Variants in CNTNAP5 observed in about 807,000 individuals in gnomAD.
The protein encoded by CNTNAP5 is contactin associated protein family member 5.
Under a neutral mutation model 150.2 loss-of-function variants are expected in CNTNAP5, and 72 were observed. That is an observed-to-expected ratio of 0.48 (90% CI 0.40 to 0.58). The LOEUF (loss-of-function observed/expected upper bound fraction) is 0.58, where lower values mean the gene tolerates loss of function less well. CNTNAP5 is among the 20% of genes least tolerant of loss of function. The pLI is 0.00. For missense variants in CNTNAP5, 1,636 were observed against 1,626.2 expected, an observed-to-expected ratio of 1.01 and a Z score of -0.10; for synonymous variants, 672 against 619.8, an observed-to-expected ratio of 1.08 and a Z score of -1.25.
chr2:124,896,855 T>C (rs1678317271), intron 21 of CNTNAP5, among the ~76,000 whole-genome samples: 1 of 151,598 alleles, frequency 6.6e-6, no homozygotes, highest in Non-Finnish European at 1.5e-5. Flanking sequence ...ATGGAAGTTC[T>C]TAACTTGCTT....
Position 124,535,627 on chromosome 2 carries a change from A to T in CNTNAP5, c.1649+8171A>T, listed in dbSNP as rs1226172128. 2.7e-5 allele frequency among the ~76,000 whole-genome samples: 4 copies of T among 150,382 alleles called. No individual in the cohort carries two copies. In the East Asian group the frequency reaches 7.8e-4, roughly 29 times the overall value. On this transcript the variant is annotated intron_variant, in intron 10 of 23. Transcript: ENST00000682447. ...AATACAAAAAAAAAAAAAAAAAAAA[A>T]TTAGCTGGGTGTGGTTCTGCAGGCC...
chr2:124,262,955 C>G (rs1261108371), intron 3 of CNTNAP5, among the ~76,000 whole-genome samples: 1 of 151,994 alleles, frequency 6.6e-6, no homozygotes, highest in Non-Finnish European at 1.5e-5. Context: ...CAGCTTCATC[C>G]ATGTCCCTAC....
intron 21 of CNTNAP5, among the ~76,000 whole-genome samples, chr2:124,894,778 C>T (rs1678269095): frequency 6.6e-6 from 1 of 151,188 alleles, no homozygotes; most frequent in Non-Finnish European, 1.5e-5. Context: ...GTTTTGAACT[C>T]CTGGGATCAA....
At chr2:124,084,092 G>C (rs189078650) in intron 1 of CNTNAP5, among the ~76,000 whole-genome samples, 14 of 151,852 alleles carry the variant, frequency 9.2e-5, no homozygotes. Flanking sequence ...TAAAAGCCCT[G>C]GTCATGTTTT....
chr2:124,615,580 G>A (rs563086024), intron 12 of CNTNAP5, among the ~76,000 whole-genome samples: 19 of 152,128 alleles, frequency 1.2e-4, no homozygotes, highest in Non-Finnish European at 2.1e-4. Flanking sequence ...CTGAAGTAAT[G>A]AACTTCTCAA....
Position 124,253,778 on chromosome 2 carries a change from G to A in CNTNAP5, c.381+11385G>A, listed in dbSNP as rs147647202. On this transcript the variant is annotated intron_variant, in intron 3 of 23. Transcript: ENST00000682447. Reference sequence around the variant, plus strand: ...CAAATTATTTTTTTTCCAGTTACAAGTACCTTTGTTTATTCAACAGTAGAC... The same window carrying A: ...CAAATTATTTTTTTTCCAGTTACAAATACCTTTGTTTATTCAACAGTAGAC... Among the ~76,000 whole-genome samples the A allele has an allele frequency of 3.2e-3, 488 of 152,020 alleles. 5 individuals carry two copies. Among genetic ancestry groups the A allele is most frequent in the African/African-American group, 0.012 (477 of 41,470 alleles).
At chr2:124,544,478 T>C (rs1165925147) in intron 10 of CNTNAP5, among the ~76,000 whole-genome samples, 3 of 152,086 alleles carry the variant, frequency 2.0e-5, no homozygotes, top group Non-Finnish European at 2.9e-5. Context: ...AGTTGGAATA[T>C]CCCCCCTTAT....
intron 3 of CNTNAP5, among the ~76,000 whole-genome samples, chr2:124,244,435 T>G (rs941839082): frequency 2.6e-5 from 4 of 152,080 alleles, no homozygotes; most frequent in African/African-American, 9.7e-5. Context: ...TTCCCTACCT[T>G]GCATCCCAAA....
chr2:124,903,065 A>G lies in CNTNAP5; in HGVS notation c.3620A>G (p.Asp1207Gly), dbSNP rs1229846976. 6.3e-7 allele frequency: 1 copy of G among 1,597,726 alleles called. No homozygotes were observed. ...ESSCGFMVDSDVNAVTTVHSS... is the reference protein window; with the variant it reads ...ESSCGFMVDSGVNAVTTVHSS... Reference sequence around the variant, plus strand: ...AGCTGTGGCTTCATGGTGGACTCAGATGTGAATGCAGTGACCACGGTGCAT... The same window carrying G: ...AGCTGTGGCTTCATGGTGGACTCAGGTGTGAATGCAGTGACCACGGTGCAT... Residue 1207 changes from aspartate (D) to glycine (G), a missense_variant, in exon 22 of 24, where the codon GAT becomes GGT. Asp to Gly is a moderately conservative substitution (Grantham distance 94, BLOSUM62 -1). Coordinates refer to ENST00000682447, the MANE Select transcript of CNTNAP5 (RefSeq NM_001367498.1).
chr2:124,274,456 A>C lies in CNTNAP5; in HGVS notation c.381+32063A>C, dbSNP rs1687836537. On this transcript the variant is annotated intron_variant, in intron 3 of 23. Transcript: ENST00000682447. ...TGAGATCTTTTCCCATTTTGTGTGG[A>C]TTGCACAGAAGAACCTCCAGCTGGA... Among the ~76,000 whole-genome samples the C allele has an allele frequency of 3.3e-5, 5 of 152,136 alleles. No individual in the cohort carries two copies. In the South Asian group the frequency reaches 1.0e-3, roughly 32 times the overall value.
chr2:124,304,192 A>G (rs1001472461), intron 3 of CNTNAP5, among the ~76,000 whole-genome samples: 1 of 152,234 alleles, frequency 6.6e-6, no homozygotes, highest in African/African-American at 2.4e-5. Context: ...AGGATAATTG[A>G]ATAAATAACT....
At chr2:124,796,331 C>T (rs947814009) in intron 18 of CNTNAP5, among the ~76,000 whole-genome samples, 1 of 152,102 alleles carries the variant, frequency 6.6e-6, no homozygotes, top group Non-Finnish European at 1.5e-5. Context: ...AGCACACACA[C>T]AAATATCAAA....
intron 12 of CNTNAP5, among the ~76,000 whole-genome samples, chr2:124,611,882 T>C (rs575667255): frequency 6.6e-6 from 1 of 152,184 alleles, no homozygotes; most frequent in Non-Finnish European, 1.5e-5. Flanking sequence ...ACAAATACCA[T>C]CTCTTTTCAT....
chr2:124,881,675 T>G (rs1677967620), intron 21 of CNTNAP5, among the ~76,000 whole-genome samples: 1 of 152,102 alleles, frequency 6.6e-6, no homozygotes, highest in African/African-American at 2.4e-5. Flanking sequence ...TCCACAGTAG[T>G]CCACAGCTGC....
chr2:124,741,950 A>T (rs895704531), intron 13 of CNTNAP5, among the ~76,000 whole-genome samples: 1 of 152,130 alleles, frequency 6.6e-6, no homozygotes, highest in Non-Finnish European at 1.5e-5. Flanking sequence ...CAATTGAGAT[A>T]ATTCTTTTCC....
intron 13 of CNTNAP5, among the ~76,000 whole-genome samples, chr2:124,714,742 T>C: frequency 6.6e-6 from 1 of 151,768 alleles, no homozygotes; most frequent in Middle Eastern, 3.5e-3. Context: ...GATATATTTA[T>C]ATGGAGCTAC....
chr2:124,434,824 T>C, intron 5 of CNTNAP5, 137 bp downstream of exon 5: 1 of 723,042 alleles, frequency 1.4e-6, no homozygotes, highest in Non-Finnish European at 2.3e-6. Flanking sequence ...GGGATAGAAA[T>C]GTTTAAGGCA....
At chr2:124,820,938 A>G (rs1333364039) in intron 19 of CNTNAP5, among the ~76,000 whole-genome samples, 1 of 152,180 alleles carries the variant, frequency 6.6e-6, no homozygotes, top group Non-Finnish European at 1.5e-5. Flanking sequence ...CTATTTCTCA[A>G]GATAGAAGAA....
intron 2 of CNTNAP5, among the ~76,000 whole-genome samples, chr2:124,236,897 C>T (rs1030313070): frequency 5.3e-5 from 8 of 151,988 alleles, no homozygotes; most frequent in African/African-American, 1.7e-4. Flanking sequence ...GAGGACGAGG[C>T]GGGTGGATCA....
Sources: allele counts gnomAD v4.1 joint callset (sites outside exome capture counted in the v4.1 genomes callset), GRCh38; gene constraint gnomAD v4.1.1; transcripts MANE v1.5; gene names NCBI Gene and HGNC (gene_info 2026-07-23, HGNC 2026-07-21).